Variants in GLYCTK observed in about 807,000 individuals in gnomAD.
GLYCTK encodes glycerate kinase, also known as HBeAg binding protein 4.
GLYCTK carries 22 observed loss-of-function variants against 24.8 expected under a neutral mutation model. The ratio of observed to expected loss-of-function variants is 0.89; its 90% CI spans 0.63 to 1.27. The LOEUF (loss-of-function observed/expected upper bound fraction) is 1.27. Ranked by LOEUF, GLYCTK falls within the 50% of genes most tolerant of loss-of-function variation. The pLI is 0.00. For missense variants in GLYCTK, 684 were observed against 686.7 expected (o/e 1.00, Z 0.04); for synonymous variants, 320 against 297.2 (o/e 1.08, Z -0.79).
At chr3:52,291,520 G>A (rs1409762894) in intron 3 of GLYCTK, 3 of 594,850 alleles carry the variant, frequency 5.0e-6, no homozygotes, top group Non-Finnish European at 9.0e-6. Flanking sequence ...AGTCTCTTAA[G>A]GAGTAGTTAG....
Position 52,293,586 on chromosome 3 carries a change from T to A in GLYCTK, c.*460T>A, listed in dbSNP as rs1244113987. Reference sequence around the variant, plus strand: ...GGCCTGGCAGGACTCTTAACACCCCTCTACTGGGCTGGGTACGTGCAGGAT... The same window carrying A: ...GGCCTGGCAGGACTCTTAACACCCCACTACTGGGCTGGGTACGTGCAGGAT... On this transcript the variant is annotated 3_prime_UTR_variant, in exon 5 of 5. Transcript: ENST00000436784. The A allele has an allele frequency of 2.2e-6, 1 of 457,488 alleles. No individual in the cohort carries two copies. The highest frequency in any genetic ancestry group is 1.6e-5 in the South Asian group (1 of 64,512). The allele number at this position is 457,488 out of a possible 1,614,324, so 28.3% of individuals were successfully genotyped here.
chr3:52,291,270 G>A, intron 3 of GLYCTK, 159 bp downstream of exon 3: 1 of 875,060 alleles, frequency 1.1e-6, no homozygotes, highest in South Asian at 1.6e-5. Context: ...GTTGCCTTGG[G>A]CTAGTCGTCT....
At chr3:52,291,602 CTG>C in intron 3 of GLYCTK, 143 bp from the exon 4 acceptor site, 2 of 736,346 alleles carry the variant, frequency 2.7e-6, no homozygotes, top group South Asian at 3.5e-5. Flanking sequence ...GATGTGGTGA[CTG>C]TACACATATT....
In GLYCTK at chr3:52,295,025, C is replaced by A. The variant is rs1381927877; in HGVS notation, c.*1899C>A. 2.2e-6 allele frequency: 1 copy of A among 453,920 alleles called. No individual in the cohort carries two copies. The highest frequency in any genetic ancestry group is 2.0e-5 in the African/African-American group (1 of 49,972). 28.1% of individuals were successfully genotyped at this position (453,920 alleles called of 1,614,324 possible). A position where few individuals can be genotyped will look rare whatever the true frequency, so the allele number is the denominator to read the frequency against. ...GGAGGTTCCCCCTGCTCTACATTGACCCCTTCCCTATACTTCTGTTTGTAG... is the reference window on the plus strand; with the variant it reads ...GGAGGTTCCCCCTGCTCTACATTGAACCCTTCCCTATACTTCTGTTTGTAG... On this transcript the variant is annotated 3_prime_UTR_variant, in exon 5 of 5. Coordinates refer to ENST00000436784, the MANE Select transcript of GLYCTK (RefSeq NM_145262.4).
chr3:52,294,226 G>A lies in GLYCTK; in HGVS notation c.*1100G>A, dbSNP rs371032606. The stretch of plus-strand genomic sequence containing the variant: ...TCAGAACCCTCCGCTGGCTGTCCCC[G>A]CCGTGCGCCACGGCTCCAATCCCTA... On this transcript the variant is annotated 3_prime_UTR_variant, in exon 5 of 5. Transcript: ENST00000436784. 39 of 534,612 alleles carry A rather than the reference G, an allele frequency of 7.3e-5. No individual in the cohort carries two copies. The highest frequency in any genetic ancestry group is 8.8e-5 in the Non-Finnish European group (23 of 260,084). The allele number at this position is 534,612 out of a possible 1,614,324, so 33.1% of individuals were successfully genotyped here. A position where few individuals can be genotyped will look rare whatever the true frequency, so the allele number is the denominator to read the frequency against.
Position 52,290,648 on chromosome 3 carries a change from C to T in GLYCTK, c.306C>T (p.Gly102=), listed in dbSNP as rs985898925. The T allele has an allele frequency of 6.2e-7, 1 of 1,613,706 alleles. No individual in the cohort carries two copies. Among genetic ancestry groups the T allele is most frequent in the Non-Finnish European group, 8.5e-7 (1 of 1,180,014 alleles). Residue 102 remains glycine (G), a synonymous_variant, in exon 2 of 5, where the codon GGC becomes GGT. Transcript: ENST00000436784. ...CAGCTGCAGCTGAGGAACTACTGGGCCAGCATCTTGTGCAGGGCGTGATCA... is the reference window on the plus strand; with the variant it reads ...CAGCTGCAGCTGAGGAACTACTGGGTCAGCATCTTGTGCAGGGCGTGATCA... ...GMAAAAEELL[G]QHLVQGVISV... is the part of the protein sequence containing the mutation.
intron 4 of GLYCTK, 50 bp downstream of exon 4, chr3:52,291,972 C>A: frequency 6.4e-7 from 1 of 1,551,020 alleles, no homozygotes; most frequent in Non-Finnish European, 8.9e-7. Flanking sequence ...GAGCCAGGCC[C>A]ACATGTGCCA....
chr3:52,291,134 G>T lies in GLYCTK; in HGVS notation c.529+23G>T, dbSNP rs1700455691. 1.9e-6 allele frequency: 3 copies of T among 1,605,634 alleles called. No individual in the cohort carries two copies. The East Asian group carries it at 6.7e-5, about 36-fold the overall frequency. ...CAGGTGTGGTACCACATTGGCCCAA[G>T]ACTGTTGGTGGGGGGTGCACCACCT... On this transcript the variant is annotated intron_variant, in intron 3 of 4. Coordinates refer to ENST00000436784, the MANE Select transcript of GLYCTK (RefSeq NM_145262.4).
At position 52,292,279 on chromosome 3, in the gene GLYCTK, CAG is replaced by C. The variant is rs1559465823; in HGVS notation, c.727_728del (p.Asp243CysfsTer51). ...CCCCAGGTGGTGAGCCTCATCCTGT[CAG>C]ATGTGGTGGGGGACCCTGTGGAGGT... On this transcript the variant is annotated frameshift_variant, in exon 5 of 5. Coordinates refer to ENST00000436784, the MANE Select transcript of GLYCTK (RefSeq NM_145262.4). LOFTEE classifies it high-confidence loss of function. 6.2e-7 allele frequency: 1 copy of C among 1,613,966 alleles called. No homozygotes were observed. Among genetic ancestry groups the C allele is most frequent in the South Asian group, 1.1e-5 (1 of 91,064 alleles).
At chr3:52,290,825 C>T in intron 2 of GLYCTK, 106 bp downstream of exon 2, 2 of 1,583,404 alleles carry the variant, frequency 1.3e-6, no homozygotes, top group Admixed American at 1.7e-5. Flanking sequence ...CCCATTTCTC[C>T]TGGATCTGGC....
chr3:52,290,289 G>A lies in GLYCTK; in HGVS notation c.-39-15G>A. ...TTTGCCTTGCAAGGGCCTCAGTTGT[G>A]CTTTTTCCCTCTAGGCAGCCATGGG... On this transcript the variant is annotated splice_polypyrimidine_tract_variant and intron_variant, in intron 1 of 4. Transcript: ENST00000436784. The A allele has an allele frequency of 6.3e-7, 1 of 1,577,148 alleles. No individual in the cohort carries two copies.
intron 4 of GLYCTK, 82 bp downstream of exon 4, chr3:52,292,004 C>T (rs958332155): frequency 2.2e-6 from 3 of 1,393,802 alleles, no homozygotes; most frequent in Non-Finnish European, 2.0e-6. Context: ...GCTAGAACAG[C>T]ATATAGATTG....
rs1700566264 is a variant in GLYCTK, at chr3:52,293,911, T to C, written c.*785T>C. ...TGAAGTTTGTCCCACCCCCCAGTGC[T>C]GTTTCCTTGTGACAGCCCTTGTCCT... On this transcript the variant is annotated 3_prime_UTR_variant, in exon 5 of 5. Transcript: ENST00000436784. 2.2e-6 allele frequency: 1 copy of C among 453,920 alleles called. No homozygotes were observed. The highest frequency in any genetic ancestry group is 2.0e-5 in the African/African-American group (1 of 50,010). The allele number at this position is 453,920 out of a possible 1,614,324, so 28.1% of individuals were successfully genotyped here.
At chr3:52,287,920 C>T (rs1235065777) in intron 1 of GLYCTK, 44 bp downstream of exon 1, 2 of 429,070 alleles carry the variant, frequency 4.7e-6, no homozygotes, top group Non-Finnish European at 4.7e-6. Flanking sequence ...CAGAAGCGGT[C>T]CCTGGGCTGG....
chr3:52,287,885 G>A lies in GLYCTK; in HGVS notation c.-40+9G>A, dbSNP rs1373056840. ...GCCGGAGCTGTGGGCTGGTAAGTCT[G>A]CGCCGCCAGGGCTCGCATGGCCTTC... On this transcript the variant is annotated intron_variant, in intron 1 of 4. Transcript: ENST00000436784. 3.1e-5 allele frequency: 14 copies of A among 449,768 alleles called. No individual in the cohort carries two copies. The Admixed American group carries it at 3.3e-4, about 11-fold the overall frequency. 27.9% of individuals were successfully genotyped at this position (449,768 alleles called of 1,614,324 possible). A position where few individuals can be genotyped will look rare whatever the true frequency, so the allele number is the denominator to read the frequency against.
chr3:52,290,147 A>G, intron 1 of GLYCTK, 157 bp from the exon 2 acceptor site: 1 of 628,198 alleles, frequency 1.6e-6, no homozygotes, highest in Admixed American at 3.0e-5. Flanking sequence ...AAGATCCTGC[A>G]GCTGCAGGCT....
rs1174987087 is a variant in GLYCTK at position 52,293,349 on chromosome 3, G to A, written c.*223G>A. On this transcript the variant is annotated 3_prime_UTR_variant, in exon 5 of 5. Transcript: ENST00000436784. ...GGCTTCCCCCTACCCCTGAGGATGA[G>A]GACAAGCCCCTCGGCCAGTTCAGCG... 1.6e-5 allele frequency: 11 copies of A among 699,958 alleles called. No homozygotes were observed. The Admixed American group carries it at 1.8e-4, about 12-fold the overall frequency. The allele number at this position is 699,958 out of a possible 1,614,324, so 43.4% of individuals were successfully genotyped here.
In GLYCTK at chr3:52,291,123, C is replaced by T. The variant is rs1411061638; in HGVS notation, c.529+12C>T. 1 of 1,608,056 alleles carries T rather than the reference C, an allele frequency of 6.2e-7. No individual in the cohort carries two copies. The highest frequency in any genetic ancestry group is 8.5e-7 in the Non-Finnish European group (1 of 1,179,918). The stretch of plus-strand genomic sequence containing the variant: ...CGTGCTGATCTCAGGTGTGGTACCA[C>T]ATTGGCCCAAGACTGTTGGTGGGGG... On this transcript the variant is annotated intron_variant, in intron 3 of 4. Coordinates refer to ENST00000436784, the MANE Select transcript of GLYCTK (RefSeq NM_145262.4).
Position 52,291,349 on chromosome 3 carries a change from G to A in GLYCTK, c.529+238G>A, listed in dbSNP as rs1381028959. The stretch of plus-strand genomic sequence containing the variant: ...TCGGTGACAGTGAGAGGGTGCATGG[G>A]GAGCACATAATGCAGGGCCTGACAC... On this transcript the variant is annotated intron_variant, in intron 3 of 4. Coordinates refer to ENST00000436784, the MANE Select transcript of GLYCTK (RefSeq NM_145262.4). 8 of 603,688 alleles carry A rather than the reference G, an allele frequency of 1.3e-5. No homozygotes were observed. The East Asian group carries it at 1.9e-4, about 15-fold the overall frequency. The allele number at this position is 603,688 out of a possible 1,614,324, so 37.4% of individuals were successfully genotyped here.
Sources: allele counts gnomAD v4.1 joint callset, GRCh38; gene constraint gnomAD v4.1.1; transcripts MANE v1.5; gene names NCBI Gene and HGNC (gene_info 2026-07-23, HGNC 2026-07-21).